Variants in RTTN observed in about 807,000 individuals in gnomAD.
RTTN encodes the protein rotatin.
In RTTN, 182 loss-of-function variants were observed where a neutral mutation model predicts 269.2. That is an observed-to-expected ratio of 0.68 (90% CI 0.60 to 0.76). RTTN has a LOEUF of 0.76. Among genes scored for constraint, RTTN ranks in the 30% least tolerant of loss-of-function variants. The pLI is 0.00. For synonymous variants in RTTN, 1,006 were observed against 963.5 expected (o/e 1.04, Z -0.82); for missense variants, 2,545 against 2,608.6 (o/e 0.98, Z 0.53).
chr18:70,103,599 A>T (rs1014271795), intron 28 of RTTN, among the ~76,000 whole-genome samples: 1 of 152,058 alleles, frequency 6.6e-6, no homozygotes, highest in Non-Finnish European at 1.5e-5. Flanking sequence ...AATCTCAAGT[A>T]CCCAGGGACA....
chr18:70,190,630 G>T lies in RTTN; in HGVS notation c.1097C>A (p.Thr366Asn). The part of the protein sequence containing the change: ...MGHIDLPELE[T>N]EDTLELQFQQ... Reference sequence around the variant, plus strand: ...GAATTGTAGTTCCAATGTGTCTTCAGTTTCCAGCTCTGGCAGATCTATGTG... The same window carrying T: ...GAATTGTAGTTCCAATGTGTCTTCATTTTCCAGCTCTGGCAGATCTATGTG... Residue 366 changes from threonine (T) to asparagine (N), a missense_variant, in exon 9 of 49, where the codon ACT (threonine) becomes AAT (asparagine). Physicochemically the swap from Thr to Asn is moderately conservative, Grantham distance 65 (BLOSUM62 0). Transcript: ENST00000640769. 6.2e-7 allele frequency: 1 copy of T among 1,613,620 alleles called. No homozygotes were observed. Among genetic ancestry groups the T allele is most frequent in the Non-Finnish European group, 8.5e-7 (1 of 1,179,534 alleles).
intron 28 of RTTN, among the ~76,000 whole-genome samples, chr18:70,105,266 C>T (rs1168256831): frequency 3.9e-5 from 6 of 152,178 alleles, no homozygotes; most frequent in African/African-American, 1.4e-4. Context: ...TAGCAGTGAG[C>T]GAGGCTCTAT....
At chr18:70,030,196 G>T in intron 41 of RTTN, 87 bp from the exon 42 acceptor site, 1 of 868,196 alleles carries the variant, frequency 1.2e-6, no homozygotes, top group Non-Finnish European at 1.8e-6. Context: ...TCTCAAAAAG[G>T]TAACATTTTC....
chr18:70,101,792 G>C (rs2059174947), intron 28 of RTTN, among the ~76,000 whole-genome samples: 1 of 152,094 alleles, frequency 6.6e-6, no homozygotes. Context: ...GTTCTCACTG[G>C]TTTCAAAGAG....
intron 40 of RTTN, chr18:70,031,395 T>A (rs997803409): frequency 2.5e-6 from 1 of 398,792 alleles, no homozygotes; most frequent in Admixed American, 4.4e-5. Context: ...CCTCTCTCCA[T>A]TTCTATCTAA....
chr18:70,004,656 C>G (rs17230769), intron 48 of RTTN, among the ~76,000 whole-genome samples: 22,467 of 151,856 alleles, frequency 0.15, 2,327 homozygotes, highest in Non-Finnish European at 0.22. Flanking sequence ...AAATAACCAA[C>G]AGATATATTA....
chr18:70,166,160 G>A lies in RTTN; in HGVS notation c.1831C>T (p.Leu611=), dbSNP rs372717287. 6.7e-5 allele frequency: 108 copies of A among 1,613,500 alleles called. No individual in the cohort carries two copies. In the African/African-American group the frequency reaches 7.5e-4, roughly 11 times the overall value. ...AGCACCTTCTGACTTTCTCCTTGTA[G>A]TAATGGACTGGCCTGAGCAGATTTC... ...IWKSAQASPL[L]QGESQKVLLH... The change falls in exon 14 of 49, where the codon CTA becomes TTA. Residue 611 remains leucine (L), a synonymous_variant. Transcript: ENST00000640769.
intron 45 of RTTN, 33 bp from the exon 46 acceptor site, chr18:70,017,707 C>G (rs369628504): frequency 6.4e-7 from 1 of 1,553,294 alleles, no homozygotes; most frequent in South Asian, 1.2e-5. Context: ...TTATTTTCTT[C>G]TCATCTTTTT....
In RTTN at chr18:70,017,649, G is replaced by C. The variant is rs747763973; in HGVS notation, c.6179C>G (p.Ser2060Cys). 1.2e-6 allele frequency: 2 copies of C among 1,612,642 alleles called. No individual in the cohort carries two copies. Among genetic ancestry groups the C allele is most frequent in the Admixed American group, 3.3e-5 (2 of 59,898 alleles). The change falls in exon 46 of 49, where the codon TCT (serine) becomes TGT (cysteine). Residue 2060 changes from serine (S) to cysteine (C), a missense_variant. Ser to Cys is a moderately radical substitution (Grantham distance 112). Transcript: ENST00000640769. ...QKSNFLQNFL[S>C]LALPKGGNKH... ...ATTTCCTCCTTTTGGCAATGCTAGA[G>C]AGAGGAAGTTCTGTAAGAAGTTACT...
At chr18:70,016,329 T>C (rs942245782) in intron 46 of RTTN, among the ~76,000 whole-genome samples, 3 of 152,220 alleles carry the variant, frequency 2.0e-5, no homozygotes, top group Non-Finnish European at 4.4e-5. Context: ...GAATCTATCT[T>C]AAACATTTAT....
intron 22 of RTTN, among the ~76,000 whole-genome samples, chr18:70,134,798 G>A (rs180705898): frequency 1.8e-3 from 269 of 152,134 alleles, no homozygotes; most frequent in Non-Finnish European, 3.0e-3. Flanking sequence ...GACTTTGTGC[G>A]TCTCCTCCCA....
chr18:70,156,200 T>C (rs940090258), intron 14 of RTTN, among the ~76,000 whole-genome samples: 1 of 152,222 alleles, frequency 6.6e-6, no homozygotes, highest in Non-Finnish European at 1.5e-5. Flanking sequence ...GAAATATCAC[T>C]GAATTCTTTT....
intron 38 of RTTN, among the ~76,000 whole-genome samples, chr18:70,051,889 T>G (rs1316159152): frequency 6.6e-6 from 1 of 152,200 alleles, no homozygotes; most frequent in Non-Finnish European, 1.5e-5. Flanking sequence ...AAATATGTCA[T>G]TGTTTGTGCT....
At chr18:70,041,030 G>A (rs904502191) in intron 40 of RTTN, among the ~76,000 whole-genome samples, 1 of 152,008 alleles carries the variant, frequency 6.6e-6, no homozygotes. Context: ...GACCAGTTTG[G>A]CCAACAAACA....
intron 45 of RTTN, among the ~76,000 whole-genome samples, chr18:70,020,357 G>A (rs2056666396): frequency 6.6e-6 from 1 of 152,146 alleles, no homozygotes; most frequent in Admixed American, 6.5e-5. Context: ...TCATCTTTGA[G>A]AATGATAAAA....
At position 70,127,550 on chromosome 18, in the gene RTTN, G is replaced by A; in HGVS notation, c.3335C>T (p.Pro1112Leu). The A allele has an allele frequency of 1.2e-6, 2 of 1,613,474 alleles. No homozygotes were observed. The highest frequency in any genetic ancestry group is 1.7e-6 in the Non-Finnish European group (2 of 1,179,702). ...DRLSLKGCPG[P>L]CGVTLKSLAW... The stretch of plus-strand genomic sequence containing the variant: ...CAAGGACTTCAAGGTAACCCCACAT[G>A]GACCAGGGCAACCCTTTAAAGACAA... The change falls in exon 25 of 49, where the codon CCA becomes CTA. Residue 1112 changes from proline (P) to leucine (L), a missense_variant. Transcript: ENST00000640769.
At chr18:70,173,506 A>G (rs1036902301) in intron 11 of RTTN, among the ~76,000 whole-genome samples, 8 of 151,836 alleles carry the variant, frequency 5.3e-5, no homozygotes, top group Non-Finnish European at 7.4e-5. Context: ...AAAAAAAAAA[A>G]AAAAAGAAAA....
chr18:70,030,258 GA>G, intron 41 of RTTN, 149 bp from the exon 42 acceptor site: 1 of 575,368 alleles, frequency 1.7e-6, no homozygotes, highest in Non-Finnish European at 3.0e-6. Context: ...TAATGAATCA[GA>G]GGGGGGATAA....
At chr18:70,188,753 A>G (rs1487821983) in intron 9 of RTTN, among the ~76,000 whole-genome samples, 1 of 152,242 alleles carries the variant, frequency 6.6e-6, no homozygotes, top group East Asian at 1.9e-4. Context: ...ACTCAAAAAA[A>G]CTTCCCAAAG....
Sources: gnomAD v4.1 joint callset for allele counts (sites outside exome capture counted in the v4.1 genomes callset) on GRCh38, gnomAD v4.1.1 for gene constraint, MANE v1.5 for transcripts, NCBI Gene and HGNC (gene_info 2026-07-23, HGNC 2026-07-21) for gene names.